Variants in DMD observed in about 807,000 individuals in gnomAD.
The protein encoded by DMD is mutant dystrophin.
Under a neutral mutation model 330.1 loss-of-function variants are expected in DMD, and 63 were observed. That is an observed-to-expected ratio of 0.19 (90% CI 0.16 to 0.24). The LOEUF (loss-of-function observed/expected upper bound fraction) is 0.24. Ranked by LOEUF, DMD falls within the 10% of genes least tolerant of loss-of-function variation. DMD has a pLI of 1.00. For synonymous variants in DMD, 1,223 were observed against 959.8 expected (o/e 1.27, Z -5.07); for missense variants, 3,344 against 2,684.1 (o/e 1.25, Z -5.43).
At chrX:33,067,756 A>T (rs1490905258) in intron 1 of DMD, among the ~76,000 whole-genome samples, 1 of 111,392 alleles carries the variant, frequency 9.0e-6, no homozygotes, top group African/African-American at 3.3e-5. Context: ...GAGGCAAGAG[A>T]ATCGCTTGAA....
intron 44 of DMD, among the ~76,000 whole-genome samples, chrX:32,005,864 C>A (rs1426499486): frequency 9.0e-6 from 1 of 110,895 alleles, no homozygotes; most frequent in Admixed American, 9.6e-5. Flanking sequence ...AAATAAGATA[C>A]CCATATACAT....
At position 33,325,104 on chromosome X, in the gene DMD, TG is replaced by T. The variant is rs2054071183; in HGVS notation, c.7+14154del. On this transcript the variant is annotated intron_variant, in intron 1 of 17. Transcript: ENST00000288447. ...ATTTTCTAATAAATTAAAAGTATAA[TG>T]TATACAATTGGATTCTGTCAGGCTT... Among the ~76,000 whole-genome samples, 4 of 112,083 alleles carry T rather than the reference TG, an allele frequency of 3.6e-5. No individual in the cohort carries two copies. In the South Asian group the frequency reaches 1.5e-3, roughly 41 times the overall value.
At position 31,123,277 on chromosome X, in the gene DMD, A is replaced by ATATC. The variant is rs751242897; in HGVS notation, c.11047-1351_11047-1348dup. Among the ~76,000 whole-genome samples the ATATC allele has an allele frequency of 8.7e-3, 971 of 112,249 alleles. 20 individuals are homozygous for ATATC. The highest frequency in any genetic ancestry group is 0.029 in the African/African-American group (906 of 30,953). On this transcript the variant is annotated intron_variant, in intron 78 of 78. Transcript: ENST00000357033. ...TTTCTATTAAGGTGACCAAGTTTGT[A>ATATC]TATCTATCTTTTTGTGCTTTATTAG...
chrX:32,449,045 C>T (rs1489766227), intron 26 of DMD, among the ~76,000 whole-genome samples: 2 of 110,642 alleles, frequency 1.8e-5, no homozygotes, highest in African/African-American at 6.5e-5. Flanking sequence ...ATATTGAAAC[C>T]ATCACAAATA....
intron 1 of DMD, among the ~76,000 whole-genome samples, chrX:33,305,864 T>C (rs2053754381): frequency 8.9e-6 from 1 of 112,067 alleles, no homozygotes. Context: ...GGGATAAATA[T>C]TTCCTGGTTG....
intron 55 of DMD, among the ~76,000 whole-genome samples, chrX:31,598,124 TGA>T (rs1210962476): frequency 9.2e-6 from 1 of 108,772 alleles, no homozygotes; most frequent in African/African-American, 3.4e-5. Context: ...TTTTTTTAAT[TGA>T]GAGAGAGAGG....
chrX:33,145,658 C>G (rs1384440686), intron 1 of DMD, among the ~76,000 whole-genome samples: 1 of 91,495 alleles, frequency 1.1e-5, no homozygotes, highest in African/African-American at 3.7e-5. Context: ...TATATATATA[C>G]AGTAATGTCC....
intron 7 of DMD, among the ~76,000 whole-genome samples, chrX:32,733,262 G>A (rs1426600175): frequency 9.0e-6 from 1 of 110,783 alleles, no homozygotes; most frequent in Non-Finnish European, 1.9e-5. Context: ...GATTCATAAA[G>A]CAAGTCCTGA....
intron 1 of DMD, among the ~76,000 whole-genome samples, chrX:33,290,623 A>C (rs891946243): frequency 9.0e-6 from 1 of 111,497 alleles, no homozygotes; most frequent in African/African-American, 3.3e-5. Flanking sequence ...TATACAAGCC[A>C]GAAAACATCT....
At chrX:31,209,407 G>T in intron 65 of DMD, 91 bp downstream of exon 65, 2 of 890,193 alleles carry the variant, frequency 2.2e-6, no homozygotes, top group Non-Finnish European at 3.3e-6. Flanking sequence ...ACAGCTTCCA[G>T]GGCCCTGTTG....
intron 21 of DMD, among the ~76,000 whole-genome samples, chrX:32,482,269 A>C (rs1254441055): frequency 9.0e-6 from 1 of 111,379 alleles, no homozygotes; most frequent in Non-Finnish European, 1.9e-5. Flanking sequence ...CAGTCTCTAG[A>C]AAAGTATTTT....
At position 31,509,011 on chromosome X, in the gene DMD, T is replaced by C. The variant is rs753504050; in HGVS notation, c.8218-1558A>G. Among the ~76,000 whole-genome samples, 21 of 110,758 alleles carry C rather than the reference T, an allele frequency of 1.9e-4. No individual in the cohort carries two copies. The South Asian group carries it at 3.8e-3, about 20-fold the overall frequency. On this transcript the variant is annotated intron_variant, in intron 55 of 78. Coordinates refer to ENST00000357033, the MANE Select transcript of DMD (RefSeq NM_004006.3). The stretch of plus-strand genomic sequence containing the variant: ...CATCACTGATGGACTCTAAAGAGAG[T>C]TGTGTCCCATTCTCTTTGACTGGGA...
At chrX:32,448,704 G>A in intron 26 of DMD, 66 bp from the exon 27 acceptor site, 1 of 995,598 alleles carries the variant, frequency 1.0e-6, no homozygotes, top group South Asian at 2.4e-5. Flanking sequence ...GCATTTCTAT[G>A]AATCATATAA....
At chrX:32,799,950 A>G (rs1440991813) in intron 7 of DMD, among the ~76,000 whole-genome samples, 1 of 111,566 alleles carries the variant, frequency 9.0e-6, no homozygotes, top group African/African-American at 3.3e-5. Context: ...ACACCAGTTA[A>G]GGCCAAAGCA....
intron 43 of DMD, among the ~76,000 whole-genome samples, chrX:32,263,114 A>C (rs1234138523): frequency 8.9e-6 from 1 of 112,432 alleles, no homozygotes; most frequent in Non-Finnish European, 1.9e-5. Context: ...GAAAACAGAA[A>C]TACATATCTG....
intron 7 of DMD, among the ~76,000 whole-genome samples, chrX:32,795,231 A>G (rs1458289772): frequency 1.8e-5 from 2 of 112,393 alleles, no homozygotes; most frequent in Non-Finnish European, 3.8e-5. Flanking sequence ...TATGAATCAC[A>G]CTACTTGACA....
intron 30 of DMD, among the ~76,000 whole-genome samples, chrX:32,408,949 C>T (rs2098131078): frequency 9.2e-6 from 1 of 108,826 alleles, no homozygotes; most frequent in South Asian, 4.1e-4. Context: ...TCTATCCACC[C>T]CATCTCTATA....
At chrX:32,052,611 T>C (rs187424397) in intron 44 of DMD, among the ~76,000 whole-genome samples, 155 of 111,710 alleles carry the variant, frequency 1.4e-3, no homozygotes, top group Non-Finnish European at 2.7e-3. Flanking sequence ...TGACTAATCA[T>C]ACAAAAATCA....
chrX:31,510,720 A>G (rs760539328), intron 55 of DMD, among the ~76,000 whole-genome samples: 5 of 109,811 alleles, frequency 4.6e-5, no homozygotes, highest in East Asian at 2.9e-4. Flanking sequence ...CATGTTAGCC[A>G]GGATGGTCTC....
Sources: gnomAD v4.1 joint callset for allele counts (sites outside exome capture counted in the v4.1 genomes callset) on GRCh38, gnomAD v4.1.1 for gene constraint, MANE v1.5 for transcripts, NCBI Gene and HGNC (gene_info 2026-07-23, HGNC 2026-07-21) for gene names.